The following TRPM3 variants were observed in gnomAD, a reference collection of about 807,000 sequenced individuals.
TRPM3 encodes the protein transient receptor potential cation channel subfamily M member 3.
Under a neutral mutation model 181.2 loss-of-function variants are expected in TRPM3, and 77 were observed. That is an observed-to-expected ratio of 0.42 (90% confidence interval 0.35 to 0.51). The LOEUF (loss-of-function observed/expected upper bound fraction) is 0.51. Among genes scored for constraint, TRPM3 ranks in the 20% least tolerant of loss-of-function variants. The pLI is 0.01. For missense variants in TRPM3, 1,759 were observed against 2,196.7 expected, an observed-to-expected ratio of 0.80 and a Z score of 3.98; for synonymous variants, 745 against 796.4, an observed-to-expected ratio of 0.94 and a Z score of 1.09.
intron 1 of TRPM3, among the ~76,000 whole-genome samples, chr9:71,440,957 G>A (rs555830781): frequency 1.3e-5 from 2 of 152,070 alleles, no homozygotes; most frequent in East Asian, 1.9e-4. Flanking sequence ...GTAATTAATC[G>A]CAGGAGAAGC....
chr9:71,097,460 A>T (rs2067514927), intron 1 of TRPM3, among the ~76,000 whole-genome samples: 1 of 152,098 alleles, frequency 6.6e-6, no homozygotes, highest in Non-Finnish European at 1.5e-5. Context: ...TTATATGTGA[A>T]AATATACGTA....
At chr9:71,264,913 C>T (rs1450854356) in intron 1 of TRPM3, among the ~76,000 whole-genome samples, 1 of 152,048 alleles carries the variant, frequency 6.6e-6, no homozygotes, top group Non-Finnish European at 1.5e-5. Context: ...TACTTCATGC[C>T]AAATTGAAAA....
chr9:70,588,188 G>A (rs750680145), intron 22 of TRPM3, among the ~76,000 whole-genome samples: 35 of 152,158 alleles, frequency 2.3e-4, no homozygotes, highest in Admixed American at 9.8e-4. Flanking sequence ...AACCTTAGAA[G>A]TTTCATTCCA....
chr9:70,663,254 G>A (rs574346991), intron 9 of TRPM3, among the ~76,000 whole-genome samples: 83 of 152,236 alleles, frequency 5.5e-4, no homozygotes, highest in Admixed American at 1.2e-3. Flanking sequence ...GTTGGGAGTG[G>A]GGTGAGGGAT....
chr9:71,080,275 A>C (rs1221445866), intron 1 of TRPM3, among the ~76,000 whole-genome samples: 2 of 152,116 alleles, frequency 1.3e-5, no homozygotes, highest in Admixed American at 6.5e-5. Context: ...CAACAGTAAC[A>C]CTAAAGGATG....
intron 1 of TRPM3, among the ~76,000 whole-genome samples, chr9:70,968,044 T>C (rs767200652): frequency 2.0e-5 from 3 of 152,170 alleles, no homozygotes; most frequent in Admixed American, 6.6e-5. Flanking sequence ...TGCATTCATT[T>C]TAATAATGGT....
intron 1 of TRPM3, among the ~76,000 whole-genome samples, chr9:71,359,291 G>T (rs764386002): frequency 2.0e-5 from 3 of 152,184 alleles, no homozygotes; most frequent in African/African-American, 7.2e-5. Context: ...TGAGGTGGGT[G>T]TGTATGTGCG....
intron 8 of TRPM3, among the ~76,000 whole-genome samples, chr9:70,740,725 T>C (rs2073889357): frequency 6.6e-6 from 1 of 152,186 alleles, no homozygotes; most frequent in African/African-American, 2.4e-5. Flanking sequence ...AAGGACATTC[T>C]ATTCAACAAA....
chr9:70,752,574 T>C (rs976861547), intron 8 of TRPM3, among the ~76,000 whole-genome samples: 4 of 151,990 alleles, frequency 2.6e-5, no homozygotes, highest in African/African-American at 9.7e-5. Context: ...GGCTGCATAA[T>C]GACGTTTCAG....
chr9:70,531,959 A>G lies in TRPM3; in HGVS notation c.*3994T>C, dbSNP rs925035156. The G allele has an allele frequency of 1.3e-5, 2 of 152,164 alleles. No homozygotes were observed. Among genetic ancestry groups the G allele is most frequent in the Non-Finnish European group, 2.9e-5 (2 of 68,022 alleles). 9.4% of individuals were successfully genotyped at this position (152,164 alleles called of 1,614,324 possible). A position where few individuals can be genotyped will look rare whatever the true frequency, so the allele number is the denominator to read the frequency against. The stretch of plus-strand genomic sequence containing the variant: ...CATGGAATTGGGAACATAATTAATC[A>G]TTGCAACATGTGTTTCTTTATTGAA... On this transcript the variant is annotated 3_prime_UTR_variant, in exon 26 of 26. Coordinates refer to ENST00000677713, the MANE Select transcript of TRPM3 (RefSeq NM_001366145.2).
intron 14 of TRPM3, among the ~76,000 whole-genome samples, chr9:70,623,965 A>G (rs2064050733): frequency 7.6e-6 from 1 of 131,684 alleles, no homozygotes; most frequent in African/African-American, 2.5e-5. Context: ...TTTTGGAATG[A>G]CCAAAGTGAG....
intron 6 of TRPM3, among the ~76,000 whole-genome samples, chr9:70,808,539 T>C (rs975517050): frequency 2.6e-5 from 4 of 152,350 alleles, no homozygotes; most frequent in Middle Eastern, 6.8e-3. Context: ...TTGGCTTCAT[T>C]ATTACCTTTA....
chr9:70,887,073 C>T (rs1010448939), intron 1 of TRPM3, among the ~76,000 whole-genome samples: 1 of 152,168 alleles, frequency 6.6e-6, no homozygotes, highest in African/African-American at 2.4e-5. Context: ...TCTGTAATAG[C>T]ATCTGCCTAG....
rs188062964 is a variant in TRPM3, at chr9:70,772,823, T to C, written c.1149-11099A>G. On this transcript the variant is annotated intron_variant, in intron 7 of 25. Transcript: ENST00000677713. Reference sequence around the variant, plus strand: ...GTAGAAGTGAAGTGCTGCCAAAGGATACAGGGACTGCCACATGTCAGGTGG... The same window carrying C: ...GTAGAAGTGAAGTGCTGCCAAAGGACACAGGGACTGCCACATGTCAGGTGG... 4.6e-5 allele frequency among the ~76,000 whole-genome samples: 7 copies of C among 151,552 alleles called. No homozygotes were observed. The East Asian group carries it at 1.4e-3, about 29-fold the overall frequency.
intron 1 of TRPM3, among the ~76,000 whole-genome samples, chr9:70,971,624 A>G (rs1049438268): frequency 1.3e-5 from 2 of 152,192 alleles, no homozygotes; most frequent in African/African-American, 4.8e-5. Context: ...AGAAAATAAG[A>G]AAGTTAAGCT....
intron 1 of TRPM3, among the ~76,000 whole-genome samples, chr9:71,265,882 A>G (rs2083361937): frequency 6.6e-6 from 1 of 152,162 alleles, no homozygotes; most frequent in African/African-American, 2.4e-5. Context: ...CAAGCAACCC[A>G]CTCAATTAAA....
chr9:70,778,239 G>C (rs1381065026), intron 7 of TRPM3, among the ~76,000 whole-genome samples: 1 of 152,156 alleles, frequency 6.6e-6, no homozygotes, highest in Non-Finnish European at 1.5e-5. Flanking sequence ...AACATACACT[G>C]TTCCATTGAT....
chr9:71,378,320 G>C (rs2092713821), intron 1 of TRPM3, among the ~76,000 whole-genome samples: 1 of 152,106 alleles, frequency 6.6e-6, no homozygotes, highest in African/African-American at 2.4e-5. Flanking sequence ...GAGTTGGCAA[G>C]AATGTGGAGC....
At chr9:71,202,209 C>T (rs528308719) in intron 1 of TRPM3, among the ~76,000 whole-genome samples, 5 of 152,250 alleles carry the variant, frequency 3.3e-5, no homozygotes, top group African/African-American at 1.2e-4. Flanking sequence ...CAGAGGAGTA[C>T]CCGGCCATGT....
Sources: gnomAD v4.1 joint callset for allele counts (sites outside exome capture counted in the v4.1 genomes callset) on GRCh38, gnomAD v4.1.1 for gene constraint, MANE v1.5 for transcripts, NCBI Gene and HGNC (gene_info 2026-07-23, HGNC 2026-07-21) for gene names.